The following FIBCD1 variants were observed in gnomAD, a reference collection of about 807,000 sequenced individuals.
FIBCD1 encodes the protein fibrinogen C domain containing 1.
In FIBCD1, 47 loss-of-function variants were observed where a neutral mutation model predicts 45.1. The ratio of observed to expected loss-of-function variants is 1.04; its 90% CI spans 0.82 to 1.33. The LOEUF (loss-of-function observed/expected upper bound fraction) is 1.33. Among genes scored for constraint, FIBCD1 ranks in the 40% most tolerant of loss-of-function variants. The pLI is 0.00. For synonymous variants in FIBCD1, 313 were observed against 308.1 expected, an observed-to-expected ratio of 1.02 and a Z score of -0.17; for missense variants, 653 against 682.2, an observed-to-expected ratio of 0.96 and a Z score of 0.48.
intron 5 of FIBCD1, among the ~76,000 whole-genome samples, chr9:130,909,782 A>G (rs1158743500): frequency 6.6e-6 from 1 of 151,890 alleles, no homozygotes; most frequent in African/African-American, 2.4e-5. Context: ...AGAAATGTTA[A>G]GGACTTTCAA....
At position 130,935,920 on chromosome 9, in the gene FIBCD1, G is replaced by A. The variant is rs191587901; in HGVS notation, c.72+2616C>T. 8.8e-3 allele frequency among the ~76,000 whole-genome samples: 1,341 copies of A among 152,322 alleles called. 8 individuals are homozygous for A. Among genetic ancestry groups the A allele is most frequent in the Admixed American group, 0.015 (233 of 15,304 alleles). ...GCGGCGTCAGCGTTATGCTCCCAGA[G>A]GAAAATCCCCGTTAAAGAACCTCGG... On this transcript the variant is annotated intron_variant, in intron 1 of 6. Transcript: ENST00000372338.
At chr9:130,930,084 A>G in intron 1 of FIBCD1, 38 bp from the exon 2 acceptor site, 1 of 1,479,730 alleles carries the variant, frequency 6.8e-7, no homozygotes, top group Non-Finnish European at 8.9e-7. Flanking sequence ...ACAGACAGAC[A>G]GACGGGAGAG....
At chr9:130,931,416 C>T (rs980885600) in intron 1 of FIBCD1, among the ~76,000 whole-genome samples, 2 of 152,020 alleles carry the variant, frequency 1.3e-5, no homozygotes, top group Non-Finnish European at 2.9e-5. Context: ...GGCTGAGGCA[C>T]GAGAATTCCT....
intron 1 of FIBCD1, among the ~76,000 whole-genome samples, chr9:130,931,004 A>T (rs1410250744): frequency 6.6e-6 from 1 of 152,148 alleles, no homozygotes; most frequent in African/African-American, 2.4e-5. Context: ...TCCCCAGGGC[A>T]CATGGGGGCT....
chr9:130,905,897 C>A (rs554680356), intron 5 of FIBCD1, among the ~76,000 whole-genome samples: 1 of 152,190 alleles, frequency 6.6e-6, no homozygotes, highest in Non-Finnish European at 1.5e-5. Context: ...CTCCTGTCGG[C>A]GTTGAGGACC....
intron 1 of FIBCD1, among the ~76,000 whole-genome samples, chr9:130,933,302 G>C (rs982448025): frequency 6.6e-6 from 1 of 152,218 alleles, no homozygotes; most frequent in African/African-American, 2.4e-5. Context: ...CAGCCCAACT[G>C]GTATGCCTGA....
intron 2 of FIBCD1, among the ~76,000 whole-genome samples, chr9:130,925,511 G>A (rs1451222792): frequency 1.3e-5 from 2 of 152,142 alleles, no homozygotes; most frequent in Admixed American, 6.5e-5. Context: ...ATCTCTCCAC[G>A]TCTCCATTTC....
At chr9:130,923,970 T>C in intron 3 of FIBCD1, 90 bp from the exon 4 acceptor site, 3 of 1,580,752 alleles carry the variant, frequency 1.9e-6, no homozygotes, top group South Asian at 2.3e-5. Flanking sequence ...CGATAATGCA[T>C]GTGGGGTCCC....
rs555248528 is a variant in FIBCD1 at position 130,926,494 on chromosome 9, T to A, written c.553-2098A>T. ...GTGAGTGAGCTTGCACACGCACCTG[T>A]CACTCAGAGCCTCAGTCTGCCTCTC... On this transcript the variant is annotated intron_variant, in intron 2 of 6. Transcript: ENST00000372338. The surrounding 1 kb of genome is among the most constrained non-coding windows in gnomAD (Gnocchi z 4.1). 6.6e-6 allele frequency among the ~76,000 whole-genome samples: 1 copy of A among 152,324 alleles called. No homozygotes were observed. Among genetic ancestry groups the A allele is most frequent in the South Asian group, 2.1e-4 (1 of 4,830 alleles).
At chr9:130,932,056 C>T (rs149854148) in intron 1 of FIBCD1, among the ~76,000 whole-genome samples, 131 of 152,294 alleles carry the variant, frequency 8.6e-4, no homozygotes, top group African/African-American at 2.9e-3. Context: ...AATGCTGGGA[C>T]GCATGTTCTC....
intron 4 of FIBCD1, among the ~76,000 whole-genome samples, chr9:130,923,377 C>A (rs1168474568): frequency 6.6e-6 from 1 of 152,168 alleles, no homozygotes; most frequent in Non-Finnish European, 1.5e-5. Flanking sequence ...AAAAGCCGGG[C>A]GCCCACACAC....
At chr9:130,939,270 T>C (rs1471716402), upstream of FIBCD1, 1 of 151,798 alleles carries the variant, frequency 6.6e-6, no homozygotes, top group Non-Finnish European at 1.5e-5. Flanking sequence ...CGGTTCGGCG[T>C]CTCCGGGGAG....
At chr9:130,927,385 C>G (rs933823152) in intron 2 of FIBCD1, among the ~76,000 whole-genome samples, 5 of 152,186 alleles carry the variant, frequency 3.3e-5, no homozygotes, top group Non-Finnish European at 5.9e-5. Context: ...CCCCACGTGA[C>G]AGAGCCAGCC....
At chr9:130,924,531 C>A (rs1188426339) in intron 2 of FIBCD1, 135 bp from the exon 3 acceptor site, 2 of 855,352 alleles carry the variant, frequency 2.3e-6, no homozygotes, top group Non-Finnish European at 3.5e-6. Context: ...CCCGCCCTGC[C>A]CTGCCCCTTG....
chr9:130,906,389 G>A (rs934926246), intron 5 of FIBCD1, among the ~76,000 whole-genome samples: 1 of 152,162 alleles, frequency 6.6e-6, no homozygotes, highest in Non-Finnish European at 1.5e-5. Flanking sequence ...CACCTCCCGG[G>A]GTCAGTGTGT....
rs188231497 is a variant in FIBCD1, at chr9:130,918,531, C to T, written c.849+5213G>A. 2.4e-3 allele frequency among the ~76,000 whole-genome samples: 368 copies of T among 152,332 alleles called. 1 individual carries two copies. The highest frequency in any genetic ancestry group is 8.5e-3 in the African/African-American group (352 of 41,582). ...ACTGTCTTGGTTGTGGAGCTGTGGCCTCTCCCAGCCTCCCGGGCTTTCTGA... is the reference window on the plus strand; with the variant it reads ...ACTGTCTTGGTTGTGGAGCTGTGGCTTCTCCCAGCCTCCCGGGCTTTCTGA... On this transcript the variant is annotated intron_variant, in intron 4 of 6. Transcript: ENST00000372338.
rs144904981 is a variant in FIBCD1, at chr9:130,911,239, G to A, written c.946+553C>T. On this transcript the variant is annotated intron_variant, in intron 5 of 6. Coordinates refer to ENST00000372338, the MANE Select transcript of FIBCD1 (RefSeq NM_032843.5). The stretch of plus-strand genomic sequence containing the variant: ...GAAGGAAGAAACTCCGAACATATCC[G>A]AACATCAGAAGAAAAAAACTCCAGG... Among the ~76,000 whole-genome samples the A allele has an allele frequency of 1.3e-3, 195 of 152,232 alleles. 3 individuals are homozygous for A. The East Asian group carries it at 0.034, about 27-fold the overall frequency.
rs1021803429 is a variant in FIBCD1 at position 130,922,349 on chromosome 9, C to T, written c.849+1395G>A. Among the ~76,000 whole-genome samples the T allele has an allele frequency of 6.6e-6, 1 of 152,214 alleles. No individual in the cohort carries two copies. The highest frequency in any genetic ancestry group is 2.4e-5 in the African/African-American group (1 of 41,448). On this transcript the variant is annotated intron_variant, in intron 4 of 6. Coordinates refer to ENST00000372338, the MANE Select transcript of FIBCD1 (RefSeq NM_032843.5). The surrounding 1 kb of genome is among the most constrained non-coding windows in gnomAD (Gnocchi z 4.5). ...CATCGCCGGCCTCCCAGTCTCTCTC[C>T]AGCACACTTCTTCTCAGCTGAGCCC...
At chr9:130,908,572 C>T (rs139506268) in intron 5 of FIBCD1, among the ~76,000 whole-genome samples, 1 of 152,342 alleles carries the variant, frequency 6.6e-6, no homozygotes, top group African/African-American at 2.4e-5. Context: ...CTGGGGCTCC[C>T]CCAACCCCAA....
Sources: allele counts gnomAD v4.1 joint callset (sites outside exome capture counted in the v4.1 genomes callset), GRCh38; gene constraint gnomAD v4.1.1; non-coding constraint Gnocchi (gnomAD v3.1); transcripts MANE v1.5; gene names NCBI Gene and HGNC (gene_info 2026-07-23, HGNC 2026-07-21).